The following LAMA2 variants were observed in gnomAD, a reference collection of about 807,000 sequenced individuals.
LAMA2 encodes laminin subunit alpha 2, also known as laminin subunit alpha-2.
Under a neutral mutation model 364.8 loss-of-function variants are expected in LAMA2, and 269 were observed. That is an observed-to-expected ratio of 0.74 (90% CI 0.67 to 0.82). The LOEUF is 0.82. Among genes scored for constraint, LAMA2 ranks in the 40% least tolerant of loss-of-function variants. The pLI is 0.00. For missense variants in LAMA2, 3,807 were observed against 3,873.2 expected (o/e 0.98, Z 0.45); for synonymous variants, 1,379 against 1,370.6 (o/e 1.01, Z -0.14).
intron 12 of LAMA2, among the ~76,000 whole-genome samples, chr6:129,210,628 C>T (rs974318360): frequency 2.6e-5 from 4 of 152,100 alleles, no homozygotes; most frequent in Non-Finnish European, 1.5e-5. Context: ...TTAACAGTTT[C>T]GCTGTTTGAG....
intron 1 of LAMA2, among the ~76,000 whole-genome samples, chr6:129,010,584 G>A (rs969900089): frequency 1.8e-4 from 28 of 152,158 alleles, no homozygotes; most frequent in African/African-American, 4.8e-4. Context: ...AGGTCATAAC[G>A]TGAAATTGAC....
At chr6:129,468,405 C>T (rs1249740987) in intron 51 of LAMA2, among the ~76,000 whole-genome samples, 1 of 151,774 alleles carries the variant, frequency 6.6e-6, no homozygotes, top group Admixed American at 6.6e-5. Context: ...TGTTTTTCCA[C>T]ATGTCTTCTC....
chr6:129,142,301 G>C (rs541613094), intron 4 of LAMA2, among the ~76,000 whole-genome samples: 2 of 152,076 alleles, frequency 1.3e-5, no homozygotes, highest in South Asian at 2.1e-4. Context: ...CTGAGATCAG[G>C]GTGTCCGCAT....
At chr6:129,365,005 G>A (rs9388696) in intron 32 of LAMA2, among the ~76,000 whole-genome samples, 63,770 of 151,934 alleles carry the variant, frequency 0.42, 14,266 homozygotes, top group East Asian at 0.64. Context: ...TCACTAGGGC[G>A]GTGGTGCTAA....
At chr6:129,414,593 A>G (rs1780692515) in intron 40 of LAMA2, among the ~76,000 whole-genome samples, 1 of 152,184 alleles carries the variant, frequency 6.6e-6, no homozygotes, top group South Asian at 2.1e-4. Context: ...CAGAGGAGAT[A>G]GAAAATCTGT....
At chr6:128,994,552 A>G (rs545671449) in intron 1 of LAMA2, among the ~76,000 whole-genome samples, 4 of 152,336 alleles carry the variant, frequency 2.6e-5, no homozygotes, top group South Asian at 4.1e-4. Context: ...GAAACTAAAG[A>G]TTAAATTGAA....
intron 2 of LAMA2, among the ~76,000 whole-genome samples, chr6:129,056,352 C>A (rs1182696170): frequency 1.3e-5 from 2 of 152,106 alleles, no homozygotes; most frequent in Non-Finnish European, 2.9e-5. Context: ...GACATCTTCC[C>A]TAGCTTCAAA....
intron 2 of LAMA2, among the ~76,000 whole-genome samples, chr6:129,057,065 A>G (rs1788538873): frequency 1.3e-5 from 2 of 152,104 alleles, no homozygotes; most frequent in Admixed American, 6.6e-5. Flanking sequence ...TTTTCTTTTA[A>G]AGATGATTTT....
At chr6:129,400,882 T>A (rs770593237) in intron 37 of LAMA2, among the ~76,000 whole-genome samples, 38 of 152,254 alleles carry the variant, frequency 2.5e-4, no homozygotes, top group Non-Finnish European at 5.0e-4. Flanking sequence ...GAATTCAATA[T>A]GTAGTACCAA....
intron 3 of LAMA2, among the ~76,000 whole-genome samples, chr6:129,062,871 C>T (rs886791877): frequency 3.4e-5 from 5 of 147,116 alleles, no homozygotes; most frequent in East Asian, 2.0e-4. Context: ...ATAACAGAAA[C>T]GATTGCATTT....
intron 1 of LAMA2, among the ~76,000 whole-genome samples, chr6:128,993,161 C>T (rs2114664155): frequency 6.6e-6 from 1 of 152,294 alleles, no homozygotes; most frequent in South Asian, 2.1e-4. Flanking sequence ...CTTCTATGCA[C>T]ACACATCAAT....
At chr6:129,446,514 A>AGAGGG (rs1250985055) in intron 45 of LAMA2, among the ~76,000 whole-genome samples, 6 of 50,948 alleles carry the variant, frequency 1.2e-4, no homozygotes, top group African/African-American at 5.3e-4. Flanking sequence ...GAAGGGGAGG[A>AGAGGG]GAGGGGAGGG....
In LAMA2 at chr6:129,505,368, TTTC is replaced by T; in HGVS notation, c.8703+19_8703+21del. On this transcript the variant is annotated intron_variant, in intron 61 of 64. Transcript: ENST00000421865. Reference sequence around the variant, plus strand: ...AAGAATTGGTCCAGTAAATATCTGATTTCTTCTTTATTACTTAAATATATGGCT... The same window carrying T: ...AAGAATTGGTCCAGTAAATATCTGATTTCTTTATTACTTAAATATATGGCT... 2 of 1,602,626 alleles carry T rather than the reference TTTC, an allele frequency of 1.2e-6. No homozygotes were observed. Among genetic ancestry groups the T allele is most frequent in the Non-Finnish European group, 1.7e-6 (2 of 1,169,546 alleles).
intron 1 of LAMA2, among the ~76,000 whole-genome samples, chr6:129,041,404 A>G (rs1168704871): frequency 6.6e-6 from 1 of 151,822 alleles, no homozygotes; most frequent in Non-Finnish European, 1.5e-5. Context: ...TCTTGGAAAA[A>G]CTCAGCAATT....
chr6:129,386,986 C>G (rs903583866), intron 35 of LAMA2, among the ~76,000 whole-genome samples: 4 of 151,860 alleles, frequency 2.6e-5, no homozygotes, highest in African/African-American at 7.3e-5. Flanking sequence ...TTGGTCCTAA[C>G]CACATTGAAA....
intron 1 of LAMA2, among the ~76,000 whole-genome samples, chr6:129,042,612 C>T (rs1339373243): frequency 6.6e-6 from 1 of 152,090 alleles, no homozygotes; most frequent in African/African-American, 2.4e-5. Context: ...ATACAAACTG[C>T]TATCAAGAAT....
At chr6:129,467,733 CAAAT>C (rs1360165121) in intron 51 of LAMA2, among the ~76,000 whole-genome samples, 1 of 151,750 alleles carries the variant, frequency 6.6e-6, no homozygotes, top group East Asian at 1.9e-4. Flanking sequence ...TCCATTAAAA[CAAAT>C]AAACAAAAGA....
intron 56 of LAMA2, among the ~76,000 whole-genome samples, chr6:129,486,928 C>T (rs915549092): frequency 2.0e-5 from 3 of 152,178 alleles, no homozygotes; most frequent in African/African-American, 7.2e-5. Context: ...TTAAATATTA[C>T]CTCCTCAAAT....
chr6:129,376,129 G>A (rs1778362159), intron 34 of LAMA2, among the ~76,000 whole-genome samples: 1 of 152,098 alleles, frequency 6.6e-6, no homozygotes, highest in Admixed American at 6.5e-5. Context: ...GACATACAGT[G>A]CTCTCCCACC....
Sources: allele counts gnomAD v4.1 joint callset (sites outside exome capture counted in the v4.1 genomes callset), GRCh38; gene constraint gnomAD v4.1.1; transcripts MANE v1.5; gene names NCBI Gene and HGNC (gene_info 2026-07-23, HGNC 2026-07-21).